Variants in MBTPS1 observed in about 807,000 individuals in gnomAD.
MBTPS1 encodes the protein membrane bound transcription factor peptidase, site 1.
A neutral mutation model predicts 127.8 loss-of-function variants in MBTPS1; 94 were observed. That is an observed-to-expected ratio of 0.74 (90% CI 0.62 to 0.87). MBTPS1 has a LOEUF of 0.87. MBTPS1 is among the 40% of genes least tolerant of loss of function. The pLI is 0.00. For synonymous variants in MBTPS1, 632 were observed against 509.4 expected (o/e 1.24, Z -3.24); for missense variants, 1,636 against 1,353.2 (o/e 1.21, Z -3.28).
At chr16:84,059,540 G>A in intron 20 of MBTPS1, 112 bp from the exon 21 acceptor site, 2 of 996,688 alleles carry the variant, frequency 2.0e-6, no homozygotes, top group East Asian at 5.3e-5. Flanking sequence ...ACACAGCACA[G>A]AGCCCCTGTG....
chr16:84,115,667 T>C (rs146053997), intron 1 of MBTPS1, among the ~76,000 whole-genome samples: 237 of 152,246 alleles, frequency 1.6e-3, no homozygotes, highest in Non-Finnish European at 7.5e-4. Flanking sequence ...ATATACGAAA[T>C]AGTCATTAAA....
intron 1 of MBTPS1, among the ~76,000 whole-genome samples, chr16:84,114,340 T>TATTAAA (rs1259738637): frequency 6.6e-6 from 1 of 152,164 alleles, no homozygotes; most frequent in Non-Finnish European, 1.5e-5. Context: ...GGTGGTCTTG[T>TATTAAA]ATTAAAAAGA....
chr16:84,084,833 G>A, intron 10 of MBTPS1, 150 bp downstream of exon 10: 3 of 695,518 alleles, frequency 4.3e-6, no homozygotes, highest in Non-Finnish European at 7.1e-6. Context: ...TCTTTGCAGA[G>A]ATGAAGAAGG....
At chr16:84,082,382 C>T (rs1253896124) in intron 10 of MBTPS1, among the ~76,000 whole-genome samples, 1 of 152,152 alleles carries the variant, frequency 6.6e-6, no homozygotes, top group Non-Finnish European at 1.5e-5. Flanking sequence ...CAAAGCCAAT[C>T]CTTGCCTTTT....
chr16:84,060,594 T>G, intron 20 of MBTPS1, 88 bp downstream of exon 20: 2 of 1,495,746 alleles, frequency 1.3e-6, no homozygotes, highest in Non-Finnish European at 1.8e-6. Context: ...CTGGCCCCAC[T>G]TGCTGGCAGG....
chr16:84,064,301 A>C (rs1201751023), intron 18 of MBTPS1, among the ~76,000 whole-genome samples: 1 of 152,070 alleles, frequency 6.6e-6, no homozygotes, highest in African/African-American at 2.4e-5. Flanking sequence ...AGAAGAAAAA[A>C]TAGGCCATTC....
At chr16:84,062,743 C>T (rs2085631739) in intron 19 of MBTPS1, among the ~76,000 whole-genome samples, 2 of 152,188 alleles carry the variant, frequency 1.3e-5, no homozygotes, top group South Asian at 4.1e-4. Flanking sequence ...ACGGATGCAT[C>T]GAGAGACTGA....
intron 11 of MBTPS1, among the ~76,000 whole-genome samples, chr16:84,081,357 G>C (rs931700495): frequency 2.0e-5 from 3 of 152,366 alleles, no homozygotes; most frequent in Admixed American, 2.0e-4. Context: ...TTGTATGACA[G>C]TTTTAACAGC....
intron 21 of MBTPS1, 126 bp from the exon 22 acceptor site, chr16:84,056,261 T>G (rs909107551): frequency 1.4e-6 from 1 of 734,616 alleles, no homozygotes; most frequent in African/African-American, 1.8e-5. Flanking sequence ...AAATGCCATT[T>G]GCGTCCACGG....
chr16:84,101,386 G>A (rs1262416613), intron 2 of MBTPS1, among the ~76,000 whole-genome samples: 1 of 151,934 alleles, frequency 6.6e-6, no homozygotes, highest in East Asian at 1.9e-4. Flanking sequence ...AGCTACTTGG[G>A]AGGCTGAGGC....
intron 21 of MBTPS1, 134 bp from the exon 22 acceptor site, chr16:84,056,269 C>G (rs866522487): frequency 4.4e-6 from 3 of 682,874 alleles, no homozygotes; most frequent in Admixed American, 2.8e-5. Context: ...TTTGCGTCCA[C>G]GGCCACCTAA....
chr16:84,059,209 A>G, intron 21 of MBTPS1, 93 bp downstream of exon 21: 2 of 1,457,776 alleles, frequency 1.4e-6, no homozygotes, highest in Non-Finnish European at 1.9e-6. Flanking sequence ...ACAATTCGAT[A>G]GTGATGTCAG....
rs762180395 is a variant in MBTPS1, at chr16:84,059,469, C to CT, written c.2705-42dup. The stretch of plus-strand genomic sequence containing the variant: ...ACATCAACAAAAAGGAAAATCATCT[C>CT]TATTACTAAAATGCAAAGGAAAAAG... On this transcript the variant is annotated intron_variant, in intron 20 of 22. Transcript: ENST00000343411. 4 of 1,592,780 alleles carry CT rather than the reference C, an allele frequency of 2.5e-6. No homozygotes were observed. The Admixed American group carries it at 6.8e-5, about 27-fold the overall frequency.
At chr16:84,093,016 C>T (rs985775745) in intron 6 of MBTPS1, among the ~76,000 whole-genome samples, 172 bp downstream of exon 6, 1 of 152,166 alleles carries the variant, frequency 6.6e-6, no homozygotes, top group African/African-American at 2.4e-5. Flanking sequence ...GGGAGAAGGG[C>T]GGAGCCACCC....
chr16:84,115,269 C>A (rs904348382), intron 1 of MBTPS1, among the ~76,000 whole-genome samples: 3 of 152,168 alleles, frequency 2.0e-5, no homozygotes, highest in African/African-American at 7.2e-5. Context: ...GAAGAGCTCC[C>A]ACTTCTTCCC....
At chr16:84,115,706 A>C (rs773954001) in intron 1 of MBTPS1, among the ~76,000 whole-genome samples, 4 of 152,234 alleles carry the variant, frequency 2.6e-5, no homozygotes, top group African/African-American at 4.8e-5. Flanking sequence ...AAGTAGATGA[A>C]AGGTTGCCTG....
rs1567496043 is a variant in MBTPS1 at position 84,093,247 on chromosome 16, A to G, written c.787T>C (p.Cys263Arg). The G allele has an allele frequency of 6.2e-7, 1 of 1,613,824 alleles. No individual in the cohort carries two copies. The highest frequency in any genetic ancestry group is 8.5e-7 in the Non-Finnish European group (1 of 1,179,924). ...TCTGCATCTGGAGCAAATCCTTGGC[A>G]CTCCCTCATGCTGGCTATCACACCT... The part of the protein sequence containing the change: ...VAGVIASMRE[C>R]QGFAPDAELH... The change falls in exon 6 of 23, where the codon TGC (cysteine) becomes CGC (arginine). Residue 263 changes from cysteine to arginine, a missense_variant. Transcript: ENST00000343411.
rs776327322 is a variant in MBTPS1, at chr16:84,069,923, T to G, written c.1898A>C (p.Tyr633Ser). Residue 633 changes from tyrosine (Y) to serine (S), a missense_variant, in exon 14 of 23, where the codon TAT becomes TCT. Coordinates refer to ENST00000343411, the MANE Select transcript of MBTPS1 (RefSeq NM_003791.4). ...VLWDQYHNLR[Y>S]PPGYFPRDNL... ...ATCCCTGGGGAAATAGCCAGGTGGA[T>G]AGCGGAGGTTGTGGTACTGATCCCA... The G allele has an allele frequency of 1.2e-6, 2 of 1,614,042 alleles. No individual in the cohort carries two copies. The highest frequency in any genetic ancestry group is 1.7e-6 in the Non-Finnish European group (2 of 1,179,954).
chr16:84,090,991 A>T, intron 7 of MBTPS1, 49 bp from the exon 8 acceptor site: 4 of 1,062,270 alleles, frequency 3.8e-6, no homozygotes, highest in South Asian at 1.4e-5. Context: ...CATTAAACAT[A>T]TAACTGTCAA....
Sources: gnomAD v4.1 joint callset for allele counts (sites outside exome capture counted in the v4.1 genomes callset) on GRCh38, gnomAD v4.1.1 for gene constraint, MANE v1.5 for transcripts, NCBI Gene and HGNC (gene_info 2026-07-23, HGNC 2026-07-21) for gene names.